CLMP: variants seen among roughly 807,000 people sequenced by gnomAD.
CLMP encodes the protein CXADR-like membrane protein.
Under a neutral mutation model 45.2 loss-of-function variants are expected in CLMP, and 27 were observed. The ratio of observed to expected loss-of-function variants is 0.60; its 90% CI spans 0.44 to 0.82. CLMP has a LOEUF of 0.82. CLMP is among the 40% of genes least tolerant of loss of function. CLMP has a pLI of 0.00. For synonymous variants in CLMP, 167 were observed against 171.4 expected, an observed-to-expected ratio of 0.97 and a Z score of 0.20; for missense variants, 403 against 448.4, an observed-to-expected ratio of 0.90 and a Z score of 0.91.
intron 1 of CLMP, among the ~76,000 whole-genome samples, chr11:123,125,775 T>C (rs1490058123): frequency 6.6e-6 from 1 of 151,406 alleles, no homozygotes; most frequent in African/African-American, 2.4e-5. Context: ...GGCTAATTTT[T>C]TTGTATTTTT....
chr11:123,178,468 C>T (rs1861727884), intron 1 of CLMP, among the ~76,000 whole-genome samples: 1 of 152,196 alleles, frequency 6.6e-6, no homozygotes, highest in South Asian at 2.1e-4. Flanking sequence ...AGCTTTTTGA[C>T]AGTCACTAAT....
At chr11:123,105,517 G>A (rs1041047932) in intron 1 of CLMP, among the ~76,000 whole-genome samples, 34 of 151,300 alleles carry the variant, frequency 2.2e-4, no homozygotes, top group African/African-American at 8.0e-4. Flanking sequence ...CACAACCTCC[G>A]CCTCCTGGGT....
At chr11:123,080,863 C>T (rs115280794) in intron 5 of CLMP, among the ~76,000 whole-genome samples, 13,292 of 151,756 alleles carry the variant, frequency 0.088, 1,226 homozygotes, top group African/African-American at 0.23. Flanking sequence ...AATAAGGGGG[C>T]GCTGGGTGTG....
intron 1 of CLMP, among the ~76,000 whole-genome samples, chr11:123,166,863 T>C (rs1232232274): frequency 6.6e-6 from 1 of 152,148 alleles, no homozygotes; most frequent in African/African-American, 2.4e-5. Flanking sequence ...TTACGTATCA[T>C]ATACATGCAT....
intron 1 of CLMP, among the ~76,000 whole-genome samples, chr11:123,114,439 CCTCCCTCCCTCT>C (rs1413677202): frequency 7.1e-6 from 1 of 140,138 alleles, no homozygotes; most frequent in Non-Finnish European, 1.6e-5. Context: ...TCCCTCCCTC[CCTCCCTCCCTCT>C]CTCCCTCCCT....
intron 1 of CLMP, among the ~76,000 whole-genome samples, chr11:123,141,107 T>C (rs1861149568): frequency 6.6e-6 from 1 of 151,100 alleles, no homozygotes; most frequent in Admixed American, 6.6e-5. Flanking sequence ...GTGCTTCATG[T>C]ACAGCCGGCA....
intron 5 of CLMP, among the ~76,000 whole-genome samples, chr11:123,080,404 T>C (rs1280899989): frequency 1.3e-5 from 2 of 150,714 alleles, no homozygotes; most frequent in African/African-American, 4.9e-5. Flanking sequence ...CTAGGCTCAC[T>C]ACAACTTCCA....
At chr11:123,151,385 G>A (rs1463912429) in intron 1 of CLMP, among the ~76,000 whole-genome samples, 1 of 152,202 alleles carries the variant, frequency 6.6e-6, no homozygotes. Context: ...AGATTTACCT[G>A]ATGGCTCTAA....
At chr11:123,171,257 T>G (rs899100131) in intron 1 of CLMP, among the ~76,000 whole-genome samples, 1 of 151,586 alleles carries the variant, frequency 6.6e-6, no homozygotes, top group Non-Finnish European at 1.5e-5. Context: ...CACCAGGGAG[T>G]CTAAAGGGTT....
intron 1 of CLMP, among the ~76,000 whole-genome samples, chr11:123,122,338 A>G (rs1191781644): frequency 6.6e-6 from 1 of 152,160 alleles, no homozygotes; most frequent in African/African-American, 2.4e-5. Context: ...AAGCAACAAA[A>G]TATTTAATTA....
chr11:123,162,664 G>A (rs373412284), intron 1 of CLMP, among the ~76,000 whole-genome samples: 136 of 152,112 alleles, frequency 8.9e-4, no homozygotes, highest in African/African-American at 3.1e-3. Flanking sequence ...GGGAGGTCAA[G>A]GTGGGCGGAT....
At chr11:123,085,289 C>T (rs1429141420) in intron 2 of CLMP, among the ~76,000 whole-genome samples, 1 of 151,684 alleles carries the variant, frequency 6.6e-6, no homozygotes, top group Non-Finnish European at 1.5e-5. Flanking sequence ...CGCTCCGTCA[C>T]CCAGGCTGAA....
In CLMP at chr11:123,069,987, G is replaced by C. The variant is rs1268215758; in HGVS notation, c.*3487C>G. 6.6e-6 allele frequency: 1 copy of C among 152,170 alleles called. No individual in the cohort carries two copies. The highest frequency in any genetic ancestry group is 1.9e-4 in the East Asian group (1 of 5,204). 9.4% of individuals were successfully genotyped at this position (152,170 alleles called of 1,614,324 possible). Reference sequence around the variant, plus strand: ...ACAAGGCAACTTAGAAGTTAAAACTGAAACTGAAATATAAACAGCTTAACA... The same window carrying C: ...ACAAGGCAACTTAGAAGTTAAAACTCAAACTGAAATATAAACAGCTTAACA... On this transcript the variant is annotated 3_prime_UTR_variant, in exon 7 of 7. Transcript: ENST00000448775.
chr11:123,116,365 G>A (rs569860029), intron 1 of CLMP, among the ~76,000 whole-genome samples: 5 of 152,048 alleles, frequency 3.3e-5, no homozygotes, highest in South Asian at 2.1e-4. Context: ...TCAGTAGTTC[G>A]AGAGCAGCCT....
intron 1 of CLMP, among the ~76,000 whole-genome samples, chr11:123,109,664 T>C (rs1454189490): frequency 2.6e-5 from 4 of 152,172 alleles, no homozygotes; most frequent in South Asian, 2.1e-4. Flanking sequence ...AGAAATTGAA[T>C]GGAAGCAAAT....
At chr11:123,177,055 G>A (rs1393730734) in intron 1 of CLMP, among the ~76,000 whole-genome samples, 1 of 152,198 alleles carries the variant, frequency 6.6e-6, no homozygotes, top group Non-Finnish European at 1.5e-5. Flanking sequence ...AGGGTAGCAG[G>A]TGCGGGTGAT....
At chr11:123,077,140 C>T (rs1235675766) in intron 5 of CLMP, among the ~76,000 whole-genome samples, 3 of 142,432 alleles carry the variant, frequency 2.1e-5, no homozygotes, top group South Asian at 2.3e-4. Context: ...CTGGGATTAC[C>T]GGCGTGCACC....
At chr11:123,164,995 T>C (rs1349896846) in intron 1 of CLMP, among the ~76,000 whole-genome samples, 1 of 152,224 alleles carries the variant, frequency 6.6e-6, no homozygotes, top group Non-Finnish European at 1.5e-5. Flanking sequence ...GGTCATGCTC[T>C]CTACAAAGTT....
At position 123,189,760 on chromosome 11, in the gene CLMP, C is replaced by T. The variant is rs373815785; in HGVS notation, c.28+5153G>A. Among the ~76,000 whole-genome samples, 14 of 152,218 alleles carry T rather than the reference C, an allele frequency of 9.2e-5. 1 individual carries two copies. In the East Asian group the frequency reaches 9.6e-4, roughly 10 times the overall value. ...CGGTGGCTAATGCCTGTAATCCCAG[C>T]CCATTGGGAGGCCGATGATCACTTG... On this transcript the variant is annotated intron_variant, in intron 1 of 6. Transcript: ENST00000448775.
Sources: allele counts gnomAD v4.1 joint callset (sites outside exome capture counted in the v4.1 genomes callset), GRCh38; gene constraint gnomAD v4.1.1; transcripts MANE v1.5; gene names NCBI Gene and HGNC (gene_info 2026-07-23, HGNC 2026-07-21).